Variants in DNAH12 observed in about 807,000 individuals in gnomAD.
DNAH12 encodes the protein axonemal beta dynein heavy chain 12.
A neutral mutation model predicts 371.5 loss-of-function variants in DNAH12; 285 were observed. The observed-to-expected ratio is 0.77, with a 90% CI of 0.70 to 0.85. The LOEUF (loss-of-function observed/expected upper bound fraction) is 0.85. DNAH12 is among the 40% of genes least tolerant of loss of function. The probability of loss-of-function intolerance (pLI) is 0.00; values close to 1 mark genes in which losing one functional copy is unlikely to be tolerated. For missense variants in DNAH12, 3,611 were observed against 3,689.4 expected (o/e 0.98, Z 0.55); for synonymous variants, 1,200 against 1,213.0 (o/e 0.99, Z 0.22).
upstream of DNAH12, among the ~76,000 whole-genome samples, chr3:57,545,161 CT>C (rs573945458): frequency 0.37 from 50,916 of 136,368 alleles, 9,932 homozygotes; most frequent in African/African-American, 0.56. Flanking sequence ...AATAATGTGA[CT>C]TTTTTTTTTT....
intron 62 of DNAH12, among the ~76,000 whole-genome samples, chr3:57,327,337 A>G (rs2061974084): frequency 6.6e-6 from 1 of 151,722 alleles, no homozygotes; most frequent in Admixed American, 6.6e-5. Context: ...AATGTAAAAG[A>G]ACAGAAATTA....
chr3:57,555,558 C>G, the DNAH12 span, among the ~76,000 whole-genome samples: 3 of 152,124 alleles, frequency 2.0e-5, no homozygotes, highest in Non-Finnish European at 4.4e-5. Context: ...TAACAAACAG[C>G]CTTCCGCAGT....
Position 57,309,680 on chromosome 3 carries a change from CTT to C in DNAH12, c.11069_11070del (p.Lys3690ArgfsTer8). The C allele has an allele frequency of 6.6e-7, 1 of 1,518,518 alleles. No individual in the cohort carries two copies. The highest frequency in any genetic ancestry group is 8.8e-7 in the Non-Finnish European group (1 of 1,135,484). 94.1% of individuals were successfully genotyped at this position (1,518,518 alleles called of 1,614,324 possible). A position where few individuals can be genotyped will look rare whatever the true frequency, so the allele number is the denominator to read the frequency against. On this transcript the variant is annotated frameshift_variant, in exon 68 of 74. Transcript: ENST00000495027. LOFTEE classifies it high-confidence loss of function. ...STDQILLEIT[K>X]DILNKLPSDF... ...CTGAACATTACCTTGTTGAGGATAT[CTT>C]TGGTAATTTCTAACAGAATCTGATC...
At chr3:57,431,387 C>A (rs906730609) in intron 32 of DNAH12, among the ~76,000 whole-genome samples, 7 of 152,312 alleles carry the variant, frequency 4.6e-5, no homozygotes, top group Admixed American at 2.0e-4. Flanking sequence ...CACCTTGCTC[C>A]ACTCCAGCTG....
At chr3:57,367,029 T>A (rs2063065852) in intron 56 of DNAH12, 108 bp from the exon 57 acceptor site, 1 of 152,224 alleles carries the variant, frequency 6.6e-6, no homozygotes, top group African/African-American at 2.4e-5. Flanking sequence ...CCTAAAGTAA[T>A]TTAAAATAGA....
rs908225955 is a variant in DNAH12 at position 57,420,202 on chromosome 3, A to G, written c.5563-684T>C. Among the ~76,000 whole-genome samples the G allele has an allele frequency of 5.9e-5, 9 of 151,860 alleles. 1 individual carries two copies. Among genetic ancestry groups the G allele is most frequent in the Non-Finnish European group, 7.4e-5 (5 of 67,956 alleles). On this transcript the variant is annotated intron_variant, in intron 36 of 73. Transcript: ENST00000495027. Reference sequence around the variant, plus strand: ...CCCAATCTTCACTCCACCCCCAACCATTATCTTCTTCTGCAGGTTGTTTTG... The same window carrying G: ...CCCAATCTTCACTCCACCCCCAACCGTTATCTTCTTCTGCAGGTTGTTTTG...
intron 39 of DNAH12, among the ~76,000 whole-genome samples, chr3:57,409,998 G>A (rs1553682501): frequency 6.6e-6 from 1 of 152,020 alleles, no homozygotes; most frequent in Non-Finnish European, 1.5e-5. Context: ...AGAAAAATAG[G>A]GTGCTGATTA....
intron 28 of DNAH12, among the ~76,000 whole-genome samples, 171 bp from the exon 29 acceptor site, chr3:57,444,987 A>G (rs2065436370): frequency 1.4e-5 from 2 of 143,026 alleles, no homozygotes; most frequent in Non-Finnish European, 3.0e-5. Context: ...TACTATGCTT[A>G]TCAAACTAAA....
chr3:57,450,189 AGTG>A (rs2065713790), intron 25 of DNAH12, among the ~76,000 whole-genome samples: 1 of 125,798 alleles, frequency 7.9e-6, no homozygotes, highest in African/African-American at 3.0e-5. Context: ...CGGAGGTTGT[AGTG>A]AGCCAAGATC....
intron 5 of DNAH12, among the ~76,000 whole-genome samples, chr3:57,509,742 G>A (rs28584761): frequency 0.26 from 38,628 of 151,246 alleles, 6,385 homozygotes; most frequent in African/African-American, 0.47. Context: ...GGCGCCTGTA[G>A]TCCCAGCTAC....
At chr3:57,367,584 A>G (rs2063078987) in intron 56 of DNAH12, among the ~76,000 whole-genome samples, 1 of 152,204 alleles carries the variant, frequency 6.6e-6, no homozygotes, top group Non-Finnish European at 1.5e-5. Context: ...AAACAGAAAG[A>G]TATTAGCTGG....
intron 13 of DNAH12, 83 bp downstream of exon 13, chr3:57,483,293 A>ATTACAG: frequency 1.4e-6 from 2 of 1,470,088 alleles, no homozygotes; most frequent in Non-Finnish European, 1.8e-6. Flanking sequence ...TATTTGTGTA[A>ATTACAG]CTATATATTT....
rs1041054703 is a variant in DNAH12, at chr3:57,454,997, A to G, written c.3337-103T>C. On this transcript the variant is annotated intron_variant, in intron 22 of 73. Coordinates refer to ENST00000495027, the MANE Select transcript of DNAH12 (RefSeq NM_001366028.2). ...GTAATATTTGGCACATACATAGGCT[A>G]GAATGTCATATAGTCATAAAAAATG... The G allele has an allele frequency of 2.3e-6, 3 of 1,289,726 alleles. No individual in the cohort carries two copies. In the African/African-American group the frequency reaches 4.5e-5, roughly 19 times the overall value. 79.9% of individuals were successfully genotyped at this position (1,289,726 alleles called of 1,614,324 possible).
chr3:57,317,790 G>A (rs1589655), intron 65 of DNAH12, among the ~76,000 whole-genome samples: 48,940 of 151,946 alleles, frequency 0.32, 8,728 homozygotes, highest in African/African-American at 0.46. Flanking sequence ...ACCACCAACA[G>A]TGTATGAGGG....
At chr3:57,322,663 T>C (rs914211962) in intron 64 of DNAH12, among the ~76,000 whole-genome samples, 180 bp from the exon 65 acceptor site, 1 of 152,176 alleles carries the variant, frequency 6.6e-6, no homozygotes, top group African/African-American at 2.4e-5. Context: ...GGCGTGGTGG[T>C]GCATGCCTGA....
At chr3:57,522,285 T>C (rs7612786) in intron 4 of DNAH12, among the ~76,000 whole-genome samples, 92,869 of 151,992 alleles carry the variant, frequency 0.61, 29,232 homozygotes, top group South Asian at 0.68. Context: ...TTAGTAGTTA[T>C]TGATGACATT....
chr3:57,500,513 C>T (rs967998902), intron 11 of DNAH12, among the ~76,000 whole-genome samples: 2 of 152,120 alleles, frequency 1.3e-5, no homozygotes, highest in African/African-American at 4.8e-5. Flanking sequence ...GTCCCTGTTC[C>T]CTATTCTTTA....
chr3:57,377,381 A>G (rs1278186341), intron 52 of DNAH12, among the ~76,000 whole-genome samples, 159 bp from the exon 53 acceptor site: 2 of 152,046 alleles, frequency 1.3e-5, no homozygotes, highest in African/African-American at 4.8e-5. Context: ...AGTAAAATAT[A>G]CCTATATATT....
At chr3:57,504,421 T>A (rs564194641) in intron 8 of DNAH12, among the ~76,000 whole-genome samples, 21 of 151,684 alleles carry the variant, frequency 1.4e-4, no homozygotes, top group African/African-American at 3.6e-4. Context: ...ATATACATAT[T>A]TTTTTTTAAG....
Sources: allele counts gnomAD v4.1 joint callset (sites outside exome capture counted in the v4.1 genomes callset), GRCh38; gene constraint gnomAD v4.1.1; transcripts MANE v1.5; gene names NCBI Gene and HGNC (gene_info 2026-07-23, HGNC 2026-07-21).